The following HNRNPLL variants were observed in gnomAD, a reference collection of about 807,000 sequenced individuals.
HNRNPLL encodes heterogeneous nuclear ribonucleoprotein L like.
A neutral mutation model predicts 67.1 loss-of-function variants in HNRNPLL; 25 were observed. The observed-to-expected ratio is 0.37, with a 90% CI of 0.27 to 0.52. The LOEUF (loss-of-function observed/expected upper bound fraction) is 0.52, where lower values mean the gene tolerates loss of function less well. Ranked by LOEUF, HNRNPLL falls within the 20% of genes least tolerant of loss-of-function variation. The pLI is 0.90. For missense variants in HNRNPLL, 542 were observed against 673.9 expected (o/e 0.80, Z 2.17); for synonymous variants, 267 against 241.7 (o/e 1.10, Z -0.97).
intron 1 of HNRNPLL, among the ~76,000 whole-genome samples, chr2:38,591,904 A>C (rs1666972588): frequency 6.6e-6 from 1 of 152,070 alleles, no homozygotes; most frequent in African/African-American, 2.4e-5. Context: ...TGAATCCGGG[A>C]GGTGGAGGCT....
chr2:38,588,782 C>T (rs997577523), intron 2 of HNRNPLL, among the ~76,000 whole-genome samples: 23 of 151,854 alleles, frequency 1.5e-4, no homozygotes, highest in Non-Finnish European at 2.9e-4. Context: ...TGGCTTGTGC[C>T]TACAGTCCCA....
Position 38,580,431 on chromosome 2 carries a change from A to G in HNRNPLL, c.802+1482T>C, listed in dbSNP as rs919938436. On this transcript the variant is annotated intron_variant, in intron 6 of 12. Transcript: ENST00000449105. ...GAGAGTTAAAGGAGCCAATCATCTA[A>G]AAGTCCTAAATATGCAAACATGCAA... Among the ~76,000 whole-genome samples, 5 of 152,262 alleles carry G rather than the reference A, an allele frequency of 3.3e-5. No homozygotes were observed. The East Asian group carries it at 5.8e-4, about 18-fold the overall frequency.
chr2:38,573,275 G>A lies in HNRNPLL; in HGVS notation c.1027C>T (p.His343Tyr). The A allele has an allele frequency of 6.2e-7, 1 of 1,610,642 alleles. No homozygotes were observed. The change falls in exon 8 of 13, where the codon CAT (histidine) becomes TAT (tyrosine). Residue 343 changes from histidine to tyrosine, a missense_variant. Physicochemically the swap from His to Tyr is moderately conservative, Grantham distance 83 (BLOSUM62 2). This residue lies in a region of HNRNPLL where 415 missense variants were observed against 575.2 expected (regional missense o/e 0.72). Coordinates refer to ENST00000449105, the MANE Select transcript of HNRNPLL (RefSeq NM_138394.4). ...CTTGAACAATTCATTTTTAGTTGAT[G>A]TAATCCACTAACCATTACAACTGAA... ...SGSVVMVSGL[H>Y]QLKMNCSRVF... is the part of the protein sequence containing the mutation.
Position 38,602,642 on chromosome 2 carries a change from G to T in HNRNPLL, c.-16C>A. On this transcript the variant is annotated 5_prime_UTR_variant, in exon 1 of 13. Coordinates refer to ENST00000449105, the MANE Select transcript of HNRNPLL (RefSeq NM_138394.4). The stretch of plus-strand genomic sequence containing the variant: ...AGGAGGACATGGCGGCGGCCGGAGG[G>T]ACCGGCTGGCAGGCGGGTGGGGGTG... The T allele has an allele frequency of 6.7e-7, 1 of 1,495,694 alleles. No individual in the cohort carries two copies. The highest frequency in any genetic ancestry group is 1.3e-5 in the South Asian group (1 of 78,116). 92.7% of individuals were successfully genotyped at this position (1,495,694 alleles called of 1,614,324 possible).
At chr2:38,600,689 C>T (rs1166626537) in intron 1 of HNRNPLL, among the ~76,000 whole-genome samples, 4 of 151,194 alleles carry the variant, frequency 2.6e-5, no homozygotes, top group Non-Finnish European at 4.4e-5. Flanking sequence ...GCCGTGATCA[C>T]GAGCTGCTGC....
chr2:38,602,222 G>A (rs1420458706), intron 1 of HNRNPLL: 1 of 533,180 alleles, frequency 1.9e-6, no homozygotes, highest in East Asian at 3.6e-5. Flanking sequence ...TGGACTCGCT[G>A]CGGGGCCTGC....
In HNRNPLL at chr2:38,602,793, G is replaced by T. The variant is rs987017586; in HGVS notation, c.-167C>A. 19 of 1,537,558 alleles carry T rather than the reference G, an allele frequency of 1.2e-5. No individual in the cohort carries two copies. The highest frequency in any genetic ancestry group is 1.3e-5 in the Non-Finnish European group (15 of 1,141,590). Reference sequence around the variant, plus strand: ...CGGCCAGGAGACTGGCGGCTGAGAAGCGCGGACGGACTGAGGGGGGCGCCC... The same window carrying T: ...CGGCCAGGAGACTGGCGGCTGAGAATCGCGGACGGACTGAGGGGGGCGCCC... On this transcript the variant is annotated 5_prime_UTR_variant, in exon 1 of 13. Transcript: ENST00000449105.
intron 2 of HNRNPLL, among the ~76,000 whole-genome samples, chr2:38,590,055 C>T (rs1417463161): frequency 6.6e-6 from 1 of 152,192 alleles, no homozygotes; most frequent in Admixed American, 6.5e-5. Context: ...AATATCCACT[C>T]CAAATGACTG....
chr2:38,584,807 G>A (rs1242073170), intron 3 of HNRNPLL, among the ~76,000 whole-genome samples: 4 of 151,710 alleles, frequency 2.6e-5, no homozygotes, highest in South Asian at 2.1e-4. Context: ...AATTTCTTGA[G>A]CATCTATAAT....
chr2:38,598,538 G>C (rs1667302589), intron 1 of HNRNPLL, among the ~76,000 whole-genome samples: 1 of 152,090 alleles, frequency 6.6e-6, no homozygotes, highest in Non-Finnish European at 1.5e-5. Flanking sequence ...ATTTCATGGA[G>C]GCAAAAAAAG....
At chr2:38,597,693 T>C (rs576839706) in intron 1 of HNRNPLL, among the ~76,000 whole-genome samples, 1,325 of 88,396 alleles carry the variant, frequency 0.015, 15 homozygotes, top group African/African-American at 0.041. Flanking sequence ...CTTTTTTTAT[T>C]TTTTTTTTTT....
At position 38,600,390 on chromosome 2, in the gene HNRNPLL, A is replaced by G. The variant is rs118101072; in HGVS notation, c.189+2048T>C. On this transcript the variant is annotated intron_variant, in intron 1 of 12. Transcript: ENST00000449105. ...TTCAACCTTCATATTTTACAGACTA[A>G]GAGAACTCAGAGTAGTAAACTGACT... 5.3e-5 allele frequency among the ~76,000 whole-genome samples: 8 copies of G among 152,328 alleles called. No homozygotes were observed. In the East Asian group the frequency reaches 1.5e-3, roughly 29 times the overall value.
chr2:38,576,313 T>C (rs1302178876), intron 7 of HNRNPLL, among the ~76,000 whole-genome samples: 3 of 151,748 alleles, frequency 2.0e-5, no homozygotes, highest in East Asian at 3.9e-4. Flanking sequence ...AACCCTCCAT[T>C]ATCAAAGTGC....
chr2:38,568,351 A>G, intron 11 of HNRNPLL, 35 bp downstream of exon 11: 1 of 1,605,426 alleles, frequency 6.2e-7, no homozygotes, highest in Non-Finnish European at 8.5e-7. Flanking sequence ...CACCAACTTA[A>G]CCAGAAAGCT....
intron 7 of HNRNPLL, among the ~76,000 whole-genome samples, chr2:38,575,363 T>TTAAC (rs1666260671): frequency 6.6e-6 from 1 of 151,888 alleles, no homozygotes; most frequent in African/African-American, 2.4e-5. Context: ...AAATGGTATA[T>TTAAC]TAACATCTTG....
intron 1 of HNRNPLL, among the ~76,000 whole-genome samples, chr2:38,597,280 G>A (rs183894460): frequency 7.1e-4 from 108 of 152,268 alleles, no homozygotes; most frequent in African/African-American, 2.2e-3. Flanking sequence ...CTCTTCAGGC[G>A]AAATATCCTC....
chr2:38,578,036 G>C, intron 6 of HNRNPLL: 1 of 470,276 alleles, frequency 2.1e-6, no homozygotes, highest in South Asian at 1.6e-5. Context: ...AGTAAACACA[G>C]AGTATTTTAT....
Position 38,570,345 on chromosome 2 carries a change from T to C in HNRNPLL, c.1093-420A>G, listed in dbSNP as rs146826398. On this transcript the variant is annotated intron_variant, in intron 8 of 12. Transcript: ENST00000449105. The stretch of plus-strand genomic sequence containing the variant: ...GGTACTGGGGATTTAATAGTGAATG[T>C]TAACAGACATTATCTTCTTGAACCT... Among the ~76,000 whole-genome samples the C allele has an allele frequency of 4.6e-4, 70 of 152,328 alleles. 4 individuals are homozygous for C. In the East Asian group the frequency reaches 0.013, roughly 29 times the overall value.
chr2:38,602,455 GGCCGCC>G lies in HNRNPLL; in HGVS notation c.166_171del (p.Gly56_Gly57del). 6.5e-7 allele frequency: 1 copy of G among 1,535,764 alleles called. No individual in the cohort carries two copies. Among genetic ancestry groups the G allele is most frequent in the Middle Eastern group, 2.0e-4 (1 of 5,030 alleles). ...TTTGTTACCGGCTGAGAGAAGCTCC[GGCCGCC>G]GCCGCCGCCATCGCCCCCGCCCCGG... On this transcript the variant is annotated inframe_deletion, in exon 1 of 13. Transcript: ENST00000449105.
Sources: gnomAD v4.1 joint callset for allele counts (sites outside exome capture counted in the v4.1 genomes callset) on GRCh38, gnomAD v4.1.1 for gene constraint, gnomAD v4.1.1 regional missense constraint, MANE v1.5 for transcripts, NCBI Gene and HGNC (gene_info 2026-07-23, HGNC 2026-07-21) for gene names.